CSTPP1: variants seen among roughly 807,000 people sequenced by gnomAD.
CSTPP1 encodes the protein centriolar satellite-associated tubulin polyglutamylase complex regulator 1.
chr11:47,038,991 G>A, the CSTPP1 span, among the ~76,000 whole-genome samples: 1 of 123,642 alleles, frequency 8.1e-6, no homozygotes, highest in African/African-American at 2.5e-5. Flanking sequence ...GATGGCGGCC[G>A]GGAAGAGGCG....
chr11:47,012,836 G>A, the CSTPP1 span, among the ~76,000 whole-genome samples: 1 of 151,768 alleles, frequency 6.6e-6, no homozygotes, highest in Admixed American at 6.6e-5. Flanking sequence ...AGGAATAAAA[G>A]GGGGAAATGA....
chr11:46,946,285 A>G, the CSTPP1 span, among the ~76,000 whole-genome samples: 6 of 152,252 alleles, frequency 3.9e-5, no homozygotes, highest in African/African-American at 1.4e-4. Context: ...GTTGGGGATC[A>G]CTTTTATTTG....
At chr11:46,936,817 G>C in the CSTPP1 span, 1 of 1,609,794 alleles carries the variant, frequency 6.2e-7, no homozygotes, top group Non-Finnish European at 8.5e-7. Flanking sequence ...TGCTGAGTCC[G>C]GAGCGCCTAG....
At chr11:46,959,031 G>A in the CSTPP1 span, among the ~76,000 whole-genome samples, 3 of 151,950 alleles carry the variant, frequency 2.0e-5, no homozygotes, top group Non-Finnish European at 4.4e-5. Context: ...CAGCTATCTG[G>A]GCATCCCTTA....
chr11:47,137,702 C>T, the CSTPP1 span: 94 of 1,613,930 alleles, frequency 5.8e-5, no homozygotes, highest in Middle Eastern at 1.6e-4. Context: ...CCTGATTTCC[C>T]GCTGGAGCTC....
chr11:47,033,817 C>T, the CSTPP1 span, among the ~76,000 whole-genome samples: 2 of 152,084 alleles, frequency 1.3e-5, no homozygotes, highest in Admixed American at 1.3e-4. Context: ...TGTAATGGGC[C>T]TTAAAGGTCC....
chr11:46,984,716 G>A, the CSTPP1 span, among the ~76,000 whole-genome samples: 2 of 149,316 alleles, frequency 1.3e-5, no homozygotes, highest in Non-Finnish European at 3.0e-5. Context: ...TTGCTACTAA[G>A]TAGAGCTCTT....
chr11:46,967,405 A>G, the CSTPP1 span, among the ~76,000 whole-genome samples: 2 of 152,200 alleles, frequency 1.3e-5, no homozygotes, highest in Non-Finnish European at 2.9e-5. Context: ...CTTATATTCC[A>G]TCATTGTATA....
the CSTPP1 span, among the ~76,000 whole-genome samples, chr11:47,045,772 C>A: frequency 6.6e-6 from 1 of 151,980 alleles, no homozygotes; most frequent in African/African-American, 2.4e-5. Flanking sequence ...TTAAAGTAGT[C>A]ATTTTTTTCT....
the CSTPP1 span, among the ~76,000 whole-genome samples, chr11:46,983,635 C>A: frequency 6.6e-6 from 1 of 152,126 alleles, no homozygotes; most frequent in Non-Finnish European, 1.5e-5. Context: ...AAAGCCTATT[C>A]CTTTGCATTA....
chr11:47,028,845 T>C, the CSTPP1 span, among the ~76,000 whole-genome samples: 1 of 151,486 alleles, frequency 6.6e-6, no homozygotes, highest in Non-Finnish European at 1.5e-5. Context: ...TTTTTTTTCT[T>C]CTTTTTTTTT....
chr11:47,101,164 A>ATT, the CSTPP1 span, among the ~76,000 whole-genome samples: 189 of 30,368 alleles, frequency 6.2e-3, 38 homozygotes, highest in African/African-American at 0.032. Context: ...ACACCGGCTA[A>ATT]TTTTTTTTTT....
chr11:46,956,371 A>G, the CSTPP1 span, among the ~76,000 whole-genome samples: 2,530 of 152,356 alleles, frequency 0.017, 24 homozygotes, highest in Middle Eastern at 0.031. Flanking sequence ...CTCTCAATAC[A>G]AAAAGAACTT....
At chr11:46,993,197 C>A in the CSTPP1 span, among the ~76,000 whole-genome samples, 4 of 152,174 alleles carry the variant, frequency 2.6e-5, no homozygotes, top group Admixed American at 2.0e-4. Flanking sequence ...TGCCTGTTCA[C>A]TCTGATGGTA....
chr11:46,947,823 C>A, the CSTPP1 span, among the ~76,000 whole-genome samples: 1 of 152,256 alleles, frequency 6.6e-6, no homozygotes, highest in Admixed American at 6.5e-5. Flanking sequence ...GACTTCAGAT[C>A]AGGTGTTTTT....
At chr11:47,128,526 C>T in the CSTPP1 span, among the ~76,000 whole-genome samples, 1 of 151,412 alleles carries the variant, frequency 6.6e-6, no homozygotes. Flanking sequence ...GGACTACAGG[C>T]GTGTGCCACC....
chr11:47,008,104 AT>A, the CSTPP1 span, among the ~76,000 whole-genome samples: 1 of 151,984 alleles, frequency 6.6e-6, no homozygotes, highest in African/African-American at 2.4e-5. Flanking sequence ...AGTAGCTGGG[AT>A]TACAGGCCTG....
chr11:47,029,012 A>AT, the CSTPP1 span, among the ~76,000 whole-genome samples: 315 of 143,292 alleles, frequency 2.2e-3, 1 homozygote, highest in Middle Eastern at 7.2e-3. Flanking sequence ...TAATTTTCAT[A>AT]TTTTTTTTTT....
the CSTPP1 span, among the ~76,000 whole-genome samples, chr11:47,003,959 A>G: frequency 6.6e-6 from 1 of 152,092 alleles, no homozygotes; most frequent in Non-Finnish European, 1.5e-5. Flanking sequence ...ACATGAAATT[A>G]CACATGCAAG....
Sources: gnomAD v4.1 joint callset for allele counts (sites outside exome capture counted in the v4.1 genomes callset) on GRCh38, gnomAD v4.1.1 for gene constraint, MANE v1.5 for transcripts, NCBI Gene and HGNC (gene_info 2026-07-23, HGNC 2026-07-21) for gene names.